The following DNAH17 variants were observed in gnomAD, a reference collection of about 807,000 sequenced individuals.
DNAH17 encodes the protein dynein axonemal heavy chain 17.
Under a neutral mutation model 485.6 loss-of-function variants are expected in DNAH17, and 376 were observed. The ratio of observed to expected loss-of-function variants is 0.77; its 90% CI spans 0.71 to 0.84. The LOEUF (loss-of-function observed/expected upper bound fraction) is 0.84. DNAH17 is among the 40% of genes least tolerant of loss of function. DNAH17 has a pLI of 0.00. For missense variants in DNAH17, 6,370 were observed against 5,839.3 expected (o/e 1.09, Z -2.96); for synonymous variants, 3,031 against 2,405.9 (o/e 1.26, Z -7.60).
chr17:78,526,952 C>A lies in DNAH17; in HGVS notation c.3552G>T (p.Gln1184His), dbSNP rs1362465414. The A allele has an allele frequency of 2.5e-6, 4 of 1,588,848 alleles. No individual in the cohort carries two copies. Among genetic ancestry groups the A allele is most frequent in the Non-Finnish European group, 3.4e-6 (4 of 1,167,398 alleles). ...HWANTKKLAI[Q>H]VKLTVAPLQA... ...GGAGTGGTGCCACGGTCAGCTTCAC[C>A]TGAATGGCCAGTTTCTTGGTATTTG... The change falls in exon 23 of 81, where the codon CAG becomes CAT. Residue 1184 changes from glutamine (Q) to histidine (H), a missense_variant. Gln to His is a conservative substitution (Grantham distance 24). Coordinates refer to ENST00000389840, the MANE Select transcript of DNAH17 (RefSeq NM_173628.4).
intron 54 of DNAH17, 69 bp from the exon 55 acceptor site, chr17:78,468,952 C>T (rs2088617829): frequency 1.3e-6 from 2 of 1,535,580 alleles, no homozygotes; most frequent in Admixed American, 3.8e-5. Context: ...TCCTCCACAA[C>T]CAACCAGAGC....
intron 77 of DNAH17, 153 bp from the exon 78 acceptor site, chr17:78,427,261 G>A: frequency 1.4e-6 from 1 of 701,966 alleles, no homozygotes; most frequent in South Asian, 1.8e-5. Context: ...GGTCATGGGT[G>A]CAGCCACACA....
intron 22 of DNAH17, 58 bp from the exon 23 acceptor site, chr17:78,527,054 A>G (rs1207904087): frequency 7.2e-6 from 10 of 1,389,208 alleles, no homozygotes; most frequent in South Asian, 1.3e-5. Flanking sequence ...TAAACCTTCT[A>G]TTGTGAAATA....
At chr17:78,527,189 CCTGGG>C (rs2091102108) in intron 22 of DNAH17, among the ~76,000 whole-genome samples, 193 bp from the exon 23 acceptor site, 1 of 152,054 alleles carries the variant, frequency 6.6e-6, no homozygotes, top group Non-Finnish European at 1.5e-5. Context: ...TCGAGACCAG[CCTGGG>C]CAACAAAGTG....
chr17:78,463,405 C>T (rs140381031), intron 56 of DNAH17, among the ~76,000 whole-genome samples: 4 of 150,038 alleles, frequency 2.7e-5, no homozygotes, highest in Non-Finnish European at 5.9e-5. Flanking sequence ...CGCGTGCACA[C>T]GCATTCACAT....
At position 78,572,903 on chromosome 17, in the gene DNAH17, A is replaced by C; in HGVS notation, c.346-9T>G. 6.2e-7 allele frequency: 1 copy of C among 1,612,338 alleles called. No individual in the cohort carries two copies. Among genetic ancestry groups the C allele is most frequent in the Non-Finnish European group, 8.5e-7 (1 of 1,179,214 alleles). On this transcript the variant is annotated splice_polypyrimidine_tract_variant and intron_variant, in intron 2 of 80. Coordinates refer to ENST00000389840, the MANE Select transcript of DNAH17 (RefSeq NM_173628.4). ...AACAGAGAAGAGAGGACCTAAAAGG[A>C]AACACTTCTGTGGTTCCGCCCCCTG...
intron 14 of DNAH17, among the ~76,000 whole-genome samples, chr17:78,553,802 AT>A (rs2091962036): frequency 6.6e-6 from 1 of 152,148 alleles, no homozygotes; most frequent in Non-Finnish European, 1.5e-5. Flanking sequence ...TGTAAAAGTA[AT>A]TGCCATCTTT....
At chr17:78,484,739 A>ACCCCCCTGCCGC in intron 48 of DNAH17, 129 bp downstream of exon 48, 3 of 347,794 alleles carry the variant, frequency 8.6e-6, no homozygotes, top group South Asian at 4.2e-5. Context: ...ACGTTGCAGC[A>ACCCCCCTGCCGC]CCCCCCCCAC....
At position 78,552,691 on chromosome 17, in the gene DNAH17, C is replaced by A; in HGVS notation, c.2287+6G>T. ...ATCCAATGTGGGAGGAATGTGGCCT[C>A]CGTACCTTCGCCATTCCAGAATAAT... On this transcript the variant is annotated splice_donor_region_variant and intron_variant, in intron 15 of 80. Transcript: ENST00000389840. The A allele has an allele frequency of 6.2e-7, 1 of 1,610,622 alleles. No individual in the cohort carries two copies. Among genetic ancestry groups the A allele is most frequent in the Non-Finnish European group, 8.5e-7 (1 of 1,176,800 alleles).
rs776355773 is a variant in DNAH17 at position 78,500,398 on chromosome 17, A to G, written c.5547T>C (p.Ala1849=). Residue 1849 remains alanine, a synonymous_variant, in exon 36 of 81, where the codon GCT becomes GCC. Coordinates refer to ENST00000389840, the MANE Select transcript of DNAH17 (RefSeq NM_173628.4). The part of the protein sequence containing the change: ...LIMGGAPAGP[A]GTGKTETTKD... ...TGGTCGTCTCAGTCTTGCCGGTCCC[A>G]GCGGGGCCGGCAGGGGCTCCACCCA... The G allele has an allele frequency of 6.2e-7, 1 of 1,611,608 alleles. No homozygotes were observed. Among genetic ancestry groups the G allele is most frequent in the Non-Finnish European group, 8.5e-7 (1 of 1,179,216 alleles).
chr17:78,501,916 C>T (rs570470179), intron 33 of DNAH17, 43 bp from the exon 34 acceptor site: 4 of 1,611,016 alleles, frequency 2.5e-6, no homozygotes, highest in Middle Eastern at 1.7e-4. Flanking sequence ...CGGGTGCCCA[C>T]ATGCACTGGG....
In DNAH17 at chr17:78,502,887, T is replaced by C; in HGVS notation, c.5081A>G (p.Gln1694Arg). Residue 1694 changes from glutamine (Q) to arginine (R), a missense_variant and splice_region_variant, in exon 32 of 81, where the codon CAG (glutamine) becomes CGG (arginine). By Grantham distance (43) the Gln-to-Arg change is conservative (BLOSUM62 1). Transcript: ENST00000389840. ...REQWILDYPA[Q>R]VALTCTQIWW... ...GCCGAGCCCCCACCCGCCTCAGACC[T>C]GGGCTGGGTAGTCCAGGATCCACTG... 1 of 1,613,438 alleles carries C rather than the reference T, an allele frequency of 6.2e-7. No individual in the cohort carries two copies. The highest frequency in any genetic ancestry group is 8.5e-7 in the Non-Finnish European group (1 of 1,179,752).
At chr17:78,463,860 C>T (rs1182021109) in intron 56 of DNAH17, among the ~76,000 whole-genome samples, 1 of 151,108 alleles carries the variant, frequency 6.6e-6, no homozygotes, top group Non-Finnish European at 1.5e-5. Context: ...CCAACACAGA[C>T]ATTTCAGGGT....
At chr17:78,534,382 C>G (rs2054932944) in intron 19 of DNAH17, among the ~76,000 whole-genome samples, 2 of 151,272 alleles carry the variant, frequency 1.3e-5, no homozygotes, top group Admixed American at 6.6e-5. Flanking sequence ...AAGGTTGGCC[C>G]TAGGGCTGGG....
intron 64 of DNAH17, among the ~76,000 whole-genome samples, chr17:78,453,867 T>C (rs919382511): frequency 1.3e-5 from 2 of 149,714 alleles, no homozygotes; most frequent in African/African-American, 5.1e-5. Context: ...TTTTTTTGTT[T>C]GTTTGTTTTT....
Position 78,526,966 on chromosome 17 carries a change from T to G in DNAH17, c.3538A>C (p.Lys1180Gln). ...ELPEHWANTK[K>Q]LAIQVKLTVA... ...GTCAGCTTCACCTGAATGGCCAGTT[T>G]CTTGGTATTTGCCCAGTGCTCCGGC... The change falls in exon 23 of 81, where the codon AAA (lysine) becomes CAA (glutamine). Residue 1180 changes from lysine (K) to glutamine (Q), a missense_variant. Physicochemically the swap from Lys to Gln is moderately conservative, Grantham distance 53 (BLOSUM62 1). Coordinates refer to ENST00000389840, the MANE Select transcript of DNAH17 (RefSeq NM_173628.4). The G allele has an allele frequency of 1.9e-6, 3 of 1,587,606 alleles. No homozygotes were observed. Among genetic ancestry groups the G allele is most frequent in the Non-Finnish European group, 2.6e-6 (3 of 1,166,770 alleles).
rs555424696 is a variant in DNAH17, at chr17:78,458,810, G to A, written c.9862-130C>T. On this transcript the variant is annotated intron_variant, in intron 61 of 80. Coordinates refer to ENST00000389840, the MANE Select transcript of DNAH17 (RefSeq NM_173628.4). ...CTCCCACAAAGGCTGAGAGCCCTCTGGAGCATGGAGGCTAAGGACACCAAG... is the reference window on the plus strand; with the variant it reads ...CTCCCACAAAGGCTGAGAGCCCTCTAGAGCATGGAGGCTAAGGACACCAAG... The A allele has an allele frequency of 2.8e-5, 29 of 1,042,882 alleles. 1 individual carries two copies. In the South Asian group the frequency reaches 3.8e-4, roughly 14 times the overall value. 64.6% of individuals were successfully genotyped at this position (1,042,882 alleles called of 1,614,324 possible).
chr17:78,539,756 A>C lies in DNAH17; in HGVS notation c.2657T>G (p.Met886Arg), dbSNP rs750945672. The C allele has an allele frequency of 6.2e-7, 1 of 1,611,368 alleles. No homozygotes were observed. Among genetic ancestry groups the C allele is most frequent in the Admixed American group, 1.7e-5 (1 of 59,778 alleles). ...ACTTACATCTATAACCATGTTGTCC[A>C]TTAGGAAACTCAGAGATTTGCGAAT... ...QFIRKSLSFL[M>R]DNMVIDESIA... Residue 886 changes from methionine to arginine, a missense_variant, in exon 18 of 81, where the codon ATG becomes AGG. By Grantham distance (91) the Met-to-Arg change is moderately conservative. Coordinates refer to ENST00000389840, the MANE Select transcript of DNAH17 (RefSeq NM_173628.4).
chr17:78,488,070 G>A (rs1028641632), intron 44 of DNAH17, among the ~76,000 whole-genome samples: 3 of 143,486 alleles, frequency 2.1e-5, no homozygotes, highest in African/African-American at 5.0e-5. Flanking sequence ...TCTACGCAGA[G>A]GCTGCTGCTT....
Sources: allele counts gnomAD v4.1 joint callset (sites outside exome capture counted in the v4.1 genomes callset), GRCh38; gene constraint gnomAD v4.1.1; transcripts MANE v1.5; gene names NCBI Gene and HGNC (gene_info 2026-07-23, HGNC 2026-07-21).